The following EPAS1 variants were observed in gnomAD, a reference collection of about 807,000 sequenced individuals.
The protein encoded by EPAS1 is endothelial PAS domain protein 1, also known as endothelial PAS domain-containing protein 1.
A neutral mutation model predicts 87.9 loss-of-function variants in EPAS1; 23 were observed. The observed-to-expected ratio is 0.26, with a 90% CI of 0.19 to 0.37. EPAS1 has a LOEUF of 0.37. Ranked by LOEUF, EPAS1 falls within the 10% of genes least tolerant of loss-of-function variation. The pLI is 1.00. For synonymous variants in EPAS1, 508 were observed against 444.3 expected (o/e 1.14, Z -1.80); for missense variants, 1,138 against 1,120.7 (o/e 1.02, Z -0.22).
chr2:46,357,134 A>G (rs887781941), intron 4 of EPAS1, among the ~76,000 whole-genome samples: 1 of 152,218 alleles, frequency 6.6e-6, no homozygotes. Context: ...CCAATGAGGA[A>G]CTAGTCTGTG....
intron 1 of EPAS1, among the ~76,000 whole-genome samples, chr2:46,301,313 T>C (rs1450604478): frequency 6.6e-6 from 1 of 152,170 alleles, no homozygotes; most frequent in African/African-American, 2.4e-5. Flanking sequence ...CGGTGGCTCA[T>C]GCCTGTAATC....
chr2:46,363,602 G>T (rs1044724218), intron 6 of EPAS1, among the ~76,000 whole-genome samples: 1 of 152,200 alleles, frequency 6.6e-6, no homozygotes, highest in Non-Finnish European at 1.5e-5. Context: ...GGCTGGAGAG[G>T]AAATGTACAT....
At position 46,384,646 on chromosome 2, in the gene EPAS1, G is replaced by A; in HGVS notation, c.2599G>A (p.Asp867Asn). Residue 867 changes from aspartate to asparagine, a missense_variant, in exon 16 of 16, where the codon GAC becomes AAC. Coordinates refer to ENST00000263734, the MANE Select transcript of EPAS1 (RefSeq NM_001430.5). ...AGGAGGGGACCTCCTCAGAGCCCTGGACCAGGCCACCTGAGCCAGGCCTTC... is the reference window on the plus strand; with the variant it reads ...AGGAGGGGACCTCCTCAGAGCCCTGAACCAGGCCACCTGAGCCAGGCCTTC... Reference protein sequence around the residue: ...LQGGDLLRALDQAT With the variant: ...LQGGDLLRALNQAT 2 of 1,613,724 alleles carry A rather than the reference G, an allele frequency of 1.2e-6. No homozygotes were observed. Among genetic ancestry groups the A allele is most frequent in the South Asian group, 1.1e-5 (1 of 91,074 alleles).
At chr2:46,355,981 G>A (rs1473931124) in intron 2 of EPAS1, 170 bp from the exon 3 acceptor site, 1 of 719,204 alleles carries the variant, frequency 1.4e-6, no homozygotes, top group Non-Finnish European at 2.5e-6. Flanking sequence ...CCTCTGTGCA[G>A]TGGTGCCTGC....
At chr2:46,363,111 T>C (rs1310916395) in intron 6 of EPAS1, among the ~76,000 whole-genome samples, 1 of 152,134 alleles carries the variant, frequency 6.6e-6, no homozygotes, top group Non-Finnish European at 1.5e-5. Context: ...TCAGATGCAG[T>C]CTTTGTATTC....
chr2:46,339,714 A>G (rs1324791785), intron 1 of EPAS1, among the ~76,000 whole-genome samples: 1 of 152,236 alleles, frequency 6.6e-6, no homozygotes, highest in Non-Finnish European at 1.5e-5. Flanking sequence ...CCGTAAACTG[A>G]GTGGCTTATA....
In EPAS1 at chr2:46,360,524, G is replaced by C. The variant is rs1050674628; in HGVS notation, c.455-114G>C. The stretch of plus-strand genomic sequence containing the variant: ...GCAGACCACAGGTGCTAAGAGAGCA[G>C]ATATTTGGAAAATATAAACAATAGG... On this transcript the variant is annotated intron_variant, in intron 4 of 15. Transcript: ENST00000263734. This position sits in a 1 kb window ranked among gnomAD's most constrained non-coding sequence, Gnocchi z 4.5. 10 of 933,902 alleles carry C rather than the reference G, an allele frequency of 1.1e-5. No individual in the cohort carries two copies. Among genetic ancestry groups the C allele is most frequent in the Admixed American group, 6.9e-5 (4 of 57,810 alleles). 57.9% of individuals were successfully genotyped at this position (933,902 alleles called of 1,614,324 possible).
At chr2:46,384,238 A>AC (rs1262566443) in intron 15 of EPAS1, among the ~76,000 whole-genome samples, 1 of 152,026 alleles carries the variant, frequency 6.6e-6, no homozygotes, top group Non-Finnish European at 1.5e-5. Context: ...GGGGTCAGCA[A>AC]CCCCAGGCTC....
At chr2:46,321,990 G>A (rs116051306) in intron 1 of EPAS1, among the ~76,000 whole-genome samples, 471 of 152,296 alleles carry the variant, frequency 3.1e-3, no homozygotes, top group Non-Finnish European at 5.0e-3. Context: ...CAAGCTTGCT[G>A]TGGGCTGGAT....
intron 4 of EPAS1, among the ~76,000 whole-genome samples, chr2:46,359,813 G>T (rs759611617): frequency 5.3e-5 from 8 of 152,162 alleles, no homozygotes; most frequent in Admixed American, 3.3e-4. Context: ...GTGTAGGCAG[G>T]ATTTAGACAC....
intron 1 of EPAS1, among the ~76,000 whole-genome samples, chr2:46,333,373 T>C (rs1683725558): frequency 1.3e-5 from 2 of 152,288 alleles, no homozygotes; most frequent in South Asian, 4.2e-4. Context: ...AAGGTGACGG[T>C]GCCTTGCAGT....
rs754039442 is a variant in EPAS1, at chr2:46,361,109, G to A, written c.779+19G>A. 2.5e-6 allele frequency: 4 copies of A among 1,613,082 alleles called. No homozygotes were observed. Among genetic ancestry groups the A allele is most frequent in the Non-Finnish European group, 3.4e-6 (4 of 1,179,448 alleles). On this transcript the variant is annotated intron_variant, in intron 6 of 15. Transcript: ENST00000263734. The stretch of plus-strand genomic sequence containing the variant: ...ATGACAGGTAGGGGGCCATGGGTGT[G>A]TATGCTGTGGGCAGAGATGGGTCTT...
chr2:46,300,932 G>A lies in EPAS1; in HGVS notation c.26+2995G>A, dbSNP rs1682983075. Among the ~76,000 whole-genome samples, 1 of 152,116 alleles carries A rather than the reference G, an allele frequency of 6.6e-6. No individual in the cohort carries two copies. The highest frequency in any genetic ancestry group is 1.5e-5 in the Non-Finnish European group (1 of 68,024). The stretch of plus-strand genomic sequence containing the variant: ...CAAACTCCATCATTATTCCAACTCT[G>A]AAGGGAAAAAATATTGCTGGACAGT... On this transcript the variant is annotated intron_variant, in intron 1 of 15. Coordinates refer to ENST00000263734, the MANE Select transcript of EPAS1 (RefSeq NM_001430.5). The surrounding 1 kb of genome is among the most constrained non-coding windows in gnomAD (Gnocchi z 4.1).
At chr2:46,309,799 G>A (rs933259777) in intron 1 of EPAS1, among the ~76,000 whole-genome samples, 1 of 152,188 alleles carries the variant, frequency 6.6e-6, no homozygotes, top group Non-Finnish European at 1.5e-5. Flanking sequence ...AAGTTTAGGG[G>A]CAGGCCTTCC....
At chr2:46,329,584 G>A (rs1474954284) in intron 1 of EPAS1, among the ~76,000 whole-genome samples, 1 of 152,138 alleles carries the variant, frequency 6.6e-6, no homozygotes, top group Non-Finnish European at 1.5e-5. Flanking sequence ...AGCACTTTAG[G>A]AGGCCGAGGC....
At position 46,364,229 on chromosome 2, in the gene EPAS1, A is replaced by T. The variant is rs575537443; in HGVS notation, c.779+3139A>T. 2.0e-5 allele frequency among the ~76,000 whole-genome samples: 3 copies of T among 152,356 alleles called. No individual in the cohort carries two copies. In the East Asian group the frequency reaches 5.8e-4, roughly 29 times the overall value. On this transcript the variant is annotated intron_variant, in intron 6 of 15. Coordinates refer to ENST00000263734, the MANE Select transcript of EPAS1 (RefSeq NM_001430.5). The stretch of plus-strand genomic sequence containing the variant: ...TTCACTAGGTTTAATGACATCTGAG[A>T]CACACAAGGTGCTGTGATTCCCACA...
intron 1 of EPAS1, among the ~76,000 whole-genome samples, chr2:46,323,948 G>A (rs998546177): frequency 6.6e-6 from 1 of 152,202 alleles, no homozygotes; most frequent in African/African-American, 2.4e-5. Flanking sequence ...CCCATACAAT[G>A]TCTGGTCTCA....
chr2:46,351,107 C>T (rs569472324), intron 2 of EPAS1, among the ~76,000 whole-genome samples: 15 of 152,316 alleles, frequency 9.8e-5, no homozygotes, highest in African/African-American at 3.6e-4. Flanking sequence ...GTCCCACCCA[C>T]TCCAAATCAA....
rs745849037 is a variant in EPAS1, at chr2:46,346,766, A to T, written c.27-107A>T. ...TGGTGTGAGCCCAGATCAGTCTAGT[A>T]AGGGAGTGTGGCTGCACTGGGGGTT... On this transcript the variant is annotated intron_variant, in intron 1 of 15. Coordinates refer to ENST00000263734, the MANE Select transcript of EPAS1 (RefSeq NM_001430.5). The surrounding 1 kb of genome is among the most constrained non-coding windows in gnomAD (Gnocchi z 4.0). The T allele has an allele frequency of 7.1e-5, 81 of 1,141,564 alleles. No homozygotes were observed. The highest frequency in any genetic ancestry group is 1.0e-4 in the Non-Finnish European group (80 of 775,788). The allele number at this position is 1,141,564 out of a possible 1,614,324, so 70.7% of individuals were successfully genotyped here.
Sources: allele counts gnomAD v4.1 joint callset (sites outside exome capture counted in the v4.1 genomes callset), GRCh38; gene constraint gnomAD v4.1.1; non-coding constraint Gnocchi (gnomAD v3.1); transcripts MANE v1.5; gene names NCBI Gene and HGNC (gene_info 2026-07-23, HGNC 2026-07-21).